Variants in IMMP2L observed in about 807,000 individuals in gnomAD.
IMMP2L encodes the protein mitochondrial inner membrane protease subunit 2.
A neutral mutation model predicts 19.3 loss-of-function variants in IMMP2L; 18 were observed. The observed-to-expected ratio is 0.93, with a 90% CI of 0.64 to 1.38. The LOEUF (loss-of-function observed/expected upper bound fraction) is 1.38. IMMP2L is among the 40% of genes most tolerant of loss of function. The probability of loss-of-function intolerance (pLI) is 0.00; values close to 1 mark genes in which losing one functional copy is unlikely to be tolerated. For missense variants in IMMP2L, 233 were observed against 218.2 expected (o/e 1.07, Z -0.43); for synonymous variants, 76 against 73.0 (o/e 1.04, Z -0.21).
intron 3 of IMMP2L, among the ~76,000 whole-genome samples, chr7:111,340,102 A>AC (rs1826863532): frequency 6.6e-6 from 1 of 152,052 alleles, no homozygotes; most frequent in Non-Finnish European, 1.5e-5. Flanking sequence ...AAATAGAAAA[A>AC]AAAAGTTATT....
At chr7:111,019,671 C>G (rs1585786928) in intron 3 of IMMP2L, among the ~76,000 whole-genome samples, 1 of 152,198 alleles carries the variant, frequency 6.6e-6, no homozygotes, top group Non-Finnish European at 1.5e-5. Context: ...AAGTCAGACT[C>G]CTGCCTAGAG....
intron 5 of IMMP2L, among the ~76,000 whole-genome samples, chr7:110,783,871 C>A (rs1490939688): frequency 6.6e-6 from 1 of 151,880 alleles, no homozygotes; most frequent in Admixed American, 6.6e-5. Context: ...GAAATGAAAA[C>A]CATGTGACCT....
intron 5 of IMMP2L, among the ~76,000 whole-genome samples, chr7:110,828,890 C>T (rs1176836116): frequency 1.3e-5 from 2 of 152,082 alleles, no homozygotes; most frequent in African/African-American, 2.4e-5. Context: ...ATAAAATATT[C>T]CAGGCCTAAA....
At chr7:111,015,438 A>G (rs1349716692) in intron 3 of IMMP2L, among the ~76,000 whole-genome samples, 1 of 152,142 alleles carries the variant, frequency 6.6e-6, no homozygotes, top group Non-Finnish European at 1.5e-5. Context: ...AAATGGGCAT[A>G]GAGTTTTAGA....
At chr7:111,192,572 A>G (rs767018898) in intron 3 of IMMP2L, among the ~76,000 whole-genome samples, 11 of 152,150 alleles carry the variant, frequency 7.2e-5, no homozygotes, top group African/African-American at 9.7e-5. Context: ...AGCAATCTCA[A>G]TTATAGTTGA....
chr7:111,512,770 T>A (rs183016196), intron 2 of IMMP2L, among the ~76,000 whole-genome samples: 2 of 150,894 alleles, frequency 1.3e-5, no homozygotes, highest in South Asian at 4.1e-4. Flanking sequence ...ACCAATGTAA[T>A]AGAATAGAGA....
chr7:111,216,404 C>A (rs1044402165), intron 3 of IMMP2L, among the ~76,000 whole-genome samples: 3 of 152,094 alleles, frequency 2.0e-5, no homozygotes, highest in African/African-American at 7.2e-5. Flanking sequence ...ATTTTTATCA[C>A]AAATTGTCAA....
intron 1 of IMMP2L, among the ~76,000 whole-genome samples, chr7:111,553,124 G>A (rs1001573302): frequency 6.6e-6 from 1 of 152,092 alleles, no homozygotes; most frequent in African/African-American, 2.4e-5. Context: ...AATCATTGTT[G>A]TTTTCAGCCA....
At chr7:110,975,143 A>G (rs887641) in intron 3 of IMMP2L, among the ~76,000 whole-genome samples, 151,580 of 152,092 alleles carry the variant, frequency 1, 75,535 homozygotes, top group Middle Eastern at 1. Flanking sequence ...CTTAGTTATA[A>G]GTTAAAAACA....
In IMMP2L at chr7:110,905,014, C is replaced by T. The variant is rs189655478; in HGVS notation, c.306-18319G>A. Among the ~76,000 whole-genome samples, 387 of 152,212 alleles carry T rather than the reference C, an allele frequency of 2.5e-3. 2 individuals carry two copies. Among genetic ancestry groups the T allele is most frequent in the African/African-American group, 8.9e-3 (368 of 41,524 alleles). ...TACCACTTTGATCAGATAAAATATG[C>T]TTACTATGGAAACCTCTACAATCAC... On this transcript the variant is annotated intron_variant, in intron 4 of 5. Coordinates refer to ENST00000405709, the MANE Select transcript of IMMP2L (RefSeq NM_032549.4).
chr7:110,727,983 A>G lies in IMMP2L; in HGVS notation c.409-64262T>C. Among the ~76,000 whole-genome samples, 1 of 152,220 alleles carries G rather than the reference A, an allele frequency of 6.6e-6. No individual in the cohort carries two copies. Among genetic ancestry groups the G allele is most frequent in the East Asian group, 1.9e-4 (1 of 5,198 alleles). ...TCTGCTCACTTCTGTTAACATTGTA[A>G]AAGGCAGCACAGGAAGCTTGAGTCT... is the stretch of plus-strand genomic sequence containing the variant. On this transcript the variant is annotated intron_variant, in intron 5 of 5. Coordinates refer to ENST00000405709, the MANE Select transcript of IMMP2L (RefSeq NM_032549.4). This position sits in a 1 kb window ranked among gnomAD's most constrained non-coding sequence, Gnocchi z 4.3.
chr7:110,866,641 C>T (rs572620791), intron 5 of IMMP2L, among the ~76,000 whole-genome samples: 8 of 152,140 alleles, frequency 5.3e-5, no homozygotes, highest in Non-Finnish European at 7.4e-5. Context: ...AAGTATTCCA[C>T]GCTTGGAAAA....
intron 3 of IMMP2L, among the ~76,000 whole-genome samples, chr7:110,991,233 G>A (rs944677688): frequency 2.6e-5 from 4 of 152,042 alleles, no homozygotes; most frequent in Admixed American, 6.6e-5. Flanking sequence ...ATGTCACTTC[G>A]TTTCTTGAGG....
chr7:110,861,095 G>GTA (rs1179850747), intron 5 of IMMP2L, among the ~76,000 whole-genome samples: 99 of 103,344 alleles, frequency 9.6e-4, no homozygotes, highest in African/African-American at 3.6e-3. Flanking sequence ...GTGTGTGTGT[G>GTA]TGTGAGAGAG....
intron 3 of IMMP2L, among the ~76,000 whole-genome samples, chr7:111,170,991 G>T (rs1169172302): frequency 6.6e-6 from 1 of 151,734 alleles, no homozygotes; most frequent in Non-Finnish European, 1.5e-5. Context: ...TTATAATCAG[G>T]TTATATGAAT....
intron 5 of IMMP2L, among the ~76,000 whole-genome samples, chr7:110,735,639 TATATATTAGACAA>T (rs1278282973): frequency 1.8e-4 from 24 of 134,576 alleles, no homozygotes; most frequent in Admixed American, 1.6e-3. Flanking sequence ...TACAAATATA[TATATATTAGACAA>T]ATATATATAT....
intron 3 of IMMP2L, among the ~76,000 whole-genome samples, chr7:111,082,747 C>T (rs1341379310): frequency 2.0e-5 from 3 of 151,676 alleles, no homozygotes; most frequent in Non-Finnish European, 1.5e-5. Context: ...ATCAAATGTA[C>T]CCTTTATAAA....
At chr7:111,306,211 C>T (rs1262357398) in intron 3 of IMMP2L, among the ~76,000 whole-genome samples, 1 of 152,068 alleles carries the variant, frequency 6.6e-6, no homozygotes, top group Non-Finnish European at 1.5e-5. Flanking sequence ...AGTGAAACTA[C>T]CCTATATACT....
At chr7:110,804,617 T>C (rs1227927077) in intron 5 of IMMP2L, among the ~76,000 whole-genome samples, 2 of 152,072 alleles carry the variant, frequency 1.3e-5, no homozygotes, top group East Asian at 1.9e-4. Context: ...TTCCTTGCAG[T>C]GTGAGGTGGA....
Sources: gnomAD v4.1 joint callset for allele counts (sites outside exome capture counted in the v4.1 genomes callset) on GRCh38, gnomAD v4.1.1 for gene constraint, Gnocchi (gnomAD v3.1) non-coding constraint, MANE v1.5 for transcripts, NCBI Gene and HGNC (gene_info 2026-07-23, HGNC 2026-07-21) for gene names.